The following SLC3A1 variants were observed in gnomAD, a reference collection of about 807,000 sequenced individuals.
SLC3A1 encodes the protein amino acid transporter heavy chain SLC3A1.
SLC3A1 carries 78 observed loss-of-function variants against 60.3 expected under a neutral mutation model. The ratio of observed to expected loss-of-function variants is 1.29; its 90% CI spans 1.08 to 1.56. The LOEUF is 1.56. SLC3A1 is among the 40% of genes most tolerant of loss of function. The probability of loss-of-function intolerance (pLI) is 0.00; values close to 1 mark genes in which losing one functional copy is unlikely to be tolerated. For missense variants in SLC3A1, 1,172 were observed against 858.9 expected (o/e 1.36, Z -4.56); for synonymous variants, 392 against 307.9 (o/e 1.27, Z -2.86).
intron 4 of SLC3A1, among the ~76,000 whole-genome samples, chr2:44,297,992 G>C (rs1454365121): frequency 6.6e-6 from 1 of 152,082 alleles, no homozygotes; most frequent in Non-Finnish European, 1.5e-5. Flanking sequence ...TAGACCATTG[G>C]GTTGTTTCCA....
chr2:44,279,643 A>G (rs1185925801), intron 1 of SLC3A1, among the ~76,000 whole-genome samples: 1 of 152,252 alleles, frequency 6.6e-6, no homozygotes, highest in Non-Finnish European at 1.5e-5. Flanking sequence ...GGAAAAAAGA[A>G]GCAGGTGAAA....
chr2:44,275,564 C>G lies in SLC3A1; in HGVS notation c.29C>G (p.Ser10Cys), dbSNP rs1671319737. The change falls in exon 1 of 10, where the codon TCC becomes TGC. Residue 10 changes from serine (S) to cysteine (C), a missense_variant. Transcript: ENST00000260649. Reference protein sequence around the residue: MAEDKSKRDSIEMSMKGCQT... With the variant: MAEDKSKRDCIEMSMKGCQT... ...GCTGAAGATAAAAGCAAGAGAGACTCCATCGAGATGAGTATGAAGGGATGC... is the reference window on the plus strand; with the variant it reads ...GCTGAAGATAAAAGCAAGAGAGACTGCATCGAGATGAGTATGAAGGGATGC... The G allele has an allele frequency of 1.2e-6, 2 of 1,614,154 alleles. No individual in the cohort carries two copies. The highest frequency in any genetic ancestry group is 4.5e-5 in the East Asian group (2 of 44,878).
intron 8 of SLC3A1, among the ~76,000 whole-genome samples, chr2:44,313,576 C>T (rs1370883155): frequency 6.6e-6 from 1 of 152,118 alleles, no homozygotes; most frequent in Non-Finnish European, 1.5e-5. Context: ...TAGGAAAAAG[C>T]AGCAGAGATT....
chr2:44,281,059 T>TCCTTC (rs1167132637), intron 2 of SLC3A1, among the ~76,000 whole-genome samples, 164 bp downstream of exon 2: 4 of 148,690 alleles, frequency 2.7e-5, no homozygotes, highest in Admixed American at 6.7e-5. Context: ...TTTCTTCCTT[T>TCCTTC]CCTTCCCTTC....
chr2:44,289,217 CT>C lies in SLC3A1; in HGVS notation c.891+3071del, dbSNP rs1386202874. 7.6e-3 allele frequency among the ~76,000 whole-genome samples: 1,011 copies of C among 132,598 alleles called. 11 individuals are homozygous for C. Among genetic ancestry groups the C allele is most frequent in the African/African-American group, 0.024 (863 of 36,300 alleles). 87.0% of individuals were successfully genotyped at this position (132,598 alleles called of 152,430 possible). A position where few individuals can be genotyped will look rare whatever the true frequency, so the allele number is the denominator to read the frequency against. Reference sequence around the variant, plus strand: ...ATATTCTTTTTCTTTTTCTTTTTTTCTTTTTTTTTTTGAGACAGGGTCTCAC... The same window carrying C: ...ATATTCTTTTTCTTTTTCTTTTTTTCTTTTTTTTTTGAGACAGGGTCTCAC... On this transcript the variant is annotated intron_variant, in intron 4 of 9. Coordinates refer to ENST00000260649, the MANE Select transcript of SLC3A1 (RefSeq NM_000341.4).
downstream of SLC3A1, among the ~76,000 whole-genome samples, chr2:44,322,316 G>A (rs1354622211): frequency 2.6e-5 from 4 of 152,200 alleles, no homozygotes; most frequent in South Asian, 4.1e-4. Flanking sequence ...AGCTGAAACA[G>A]CTAGCTAGAG....
chr2:44,276,433 C>T (rs904668463), intron 1 of SLC3A1, among the ~76,000 whole-genome samples: 15 of 151,994 alleles, frequency 9.9e-5, no homozygotes, highest in African/African-American at 7.3e-5. Context: ...CAAGTGATAT[C>T]TGTAAAAAGT....
In SLC3A1 at chr2:44,320,663, C is replaced by T; in HGVS notation, c.*24C>T. ...AGGCACCTTTATGAAGAGATGAAGA[C>T]ACTGGCATTTCAGTGGGATTGTAAG... On this transcript the variant is annotated 3_prime_UTR_variant, in exon 10 of 10. Coordinates refer to ENST00000260649, the MANE Select transcript of SLC3A1 (RefSeq NM_000341.4). The T allele has an allele frequency of 6.4e-7, 1 of 1,574,672 alleles. No individual in the cohort carries two copies. The highest frequency in any genetic ancestry group is 8.7e-7 in the Non-Finnish European group (1 of 1,144,298).
downstream of SLC3A1, chr2:44,321,956 G>T (rs1239362828): frequency 6.6e-7 from 1 of 1,522,548 alleles, no homozygotes; most frequent in Non-Finnish European, 8.9e-7. Flanking sequence ...TTCTTTGGAA[G>T]ATCGAGACCC....
Position 44,320,735 on chromosome 2 carries a change from T to C in SLC3A1, c.*96T>C, listed in dbSNP as rs752209571. ...CAGCATGCTGCTTGGTGAACAATCA[T>C]TAATTCTTCGATATTTCTGTAGCTT... On this transcript the variant is annotated 3_prime_UTR_variant, in exon 10 of 10. Transcript: ENST00000260649. The C allele has an allele frequency of 3.9e-5, 37 of 957,874 alleles. No individual in the cohort carries two copies. Among genetic ancestry groups the C allele is most frequent in the African/African-American group, 8.1e-5 (5 of 62,078 alleles). The allele number at this position is 957,874 out of a possible 1,614,324, so 59.3% of individuals were successfully genotyped here. A position where few individuals can be genotyped will look rare whatever the true frequency, so the allele number is the denominator to read the frequency against.
At chr2:44,284,632 A>G (rs1318134285) in intron 3 of SLC3A1, among the ~76,000 whole-genome samples, 1 of 152,144 alleles carries the variant, frequency 6.6e-6, no homozygotes, top group Non-Finnish European at 1.5e-5. Context: ...GCTCAATCAT[A>G]GCTTACTGCA....
rs1430169352 is a variant in SLC3A1 at position 44,285,397 on chromosome 2, A to C, written c.766-635A>C. On this transcript the variant is annotated intron_variant, in intron 3 of 9. Coordinates refer to ENST00000260649, the MANE Select transcript of SLC3A1 (RefSeq NM_000341.4). ...ATGAAACTCTCACATTCAAGGGCCC[A>C]CAGCGTTGACTTAAGGAGTGGCCAG... 3 of 252,458 alleles carry C rather than the reference A, an allele frequency of 1.2e-5. No homozygotes were observed. In the East Asian group the frequency reaches 2.8e-4, roughly 23 times the overall value. 15.6% of individuals were successfully genotyped at this position (252,458 alleles called of 1,614,324 possible).
chr2:44,302,466 C>G (rs984135932), intron 6 of SLC3A1, among the ~76,000 whole-genome samples: 4 of 152,178 alleles, frequency 2.6e-5, no homozygotes, highest in Admixed American at 6.5e-5. Context: ...ATTACTCTGT[C>G]TCCATTTTAT....
intron 3 of SLC3A1, among the ~76,000 whole-genome samples, chr2:44,284,082 CTTCT>C (rs1201134893): frequency 6.6e-6 from 1 of 151,862 alleles, no homozygotes; most frequent in Admixed American, 6.6e-5. Context: ...TGTGCAAGGG[CTTCT>C]TTTTTTTATT....
chr2:44,277,360 G>C (rs1428494798), intron 1 of SLC3A1, among the ~76,000 whole-genome samples: 1 of 151,940 alleles, frequency 6.6e-6, no homozygotes, highest in Non-Finnish European at 1.5e-5. Context: ...GCCCCCCCTT[G>C]GCCTCCCAAA....
rs895645589 is a variant in SLC3A1, at chr2:44,317,514, T to C, written c.1618-2685T>C. 6 of 152,006 alleles carry C rather than the reference T, an allele frequency of 3.9e-5. No homozygotes were observed. In the East Asian group the frequency reaches 1.2e-3, roughly 29 times the overall value. 9.4% of individuals were successfully genotyped at this position (152,006 alleles called of 1,614,324 possible). On this transcript the variant is annotated intron_variant, in intron 9 of 9. Coordinates refer to ENST00000260649, the MANE Select transcript of SLC3A1 (RefSeq NM_000341.4). ...TCATAGCAACACTTCAAGTGCTCATTAGCTGCCATATTGGATGGCTCTGAT... is the reference window on the plus strand; with the variant it reads ...TCATAGCAACACTTCAAGTGCTCATCAGCTGCCATATTGGATGGCTCTGAT...
intron 4 of SLC3A1, among the ~76,000 whole-genome samples, chr2:44,296,351 T>G (rs1220721390): frequency 1.3e-5 from 2 of 152,368 alleles, no homozygotes; most frequent in African/African-American, 4.8e-5. Flanking sequence ...TGTATTTTTC[T>G]TGTGGTTGTA....
intron 4 of SLC3A1, among the ~76,000 whole-genome samples, chr2:44,294,021 T>C (rs1671794911): frequency 6.6e-6 from 1 of 152,142 alleles, no homozygotes. Context: ...ATAAATACTA[T>C]TGTGAAGTGC....
At chr2:44,275,995 TG>T in intron 1 of SLC3A1, 30 bp downstream of exon 1, 1 of 1,601,182 alleles carries the variant, frequency 6.2e-7, no homozygotes, top group Non-Finnish European at 8.6e-7. Flanking sequence ...TTAGGGTGGG[TG>T]CCAGGATGAG....
Sources: allele counts gnomAD v4.1 joint callset (sites outside exome capture counted in the v4.1 genomes callset), GRCh38; gene constraint gnomAD v4.1.1; transcripts MANE v1.5; gene names NCBI Gene and HGNC (gene_info 2026-07-23, HGNC 2026-07-21).